GRID2: variants seen among roughly 807,000 people sequenced by gnomAD.
The protein encoded by GRID2 is glutamate ionotropic receptor delta type subunit 2.
A neutral mutation model predicts 114.8 loss-of-function variants in GRID2; 33 were observed. The ratio of observed to expected loss-of-function variants is 0.29; its 90% CI spans 0.22 to 0.38. GRID2 has a LOEUF of 0.38. Among genes scored for constraint, GRID2 ranks in the 10% least tolerant of loss-of-function variants. The pLI is 1.00. For missense variants in GRID2, 1,184 were observed against 1,257.7 expected (o/e 0.94, Z 0.89); for synonymous variants, 505 against 449.9 (o/e 1.12, Z -1.55).
chr4:92,783,488 A>G (rs1029891589), intron 2 of GRID2, among the ~76,000 whole-genome samples: 1 of 152,112 alleles, frequency 6.6e-6, no homozygotes, highest in African/African-American at 2.4e-5. Flanking sequence ...TTTTATGTGA[A>G]TTAATTCAAA....
chr4:92,578,843 A>G (rs1406156910), intron 1 of GRID2, among the ~76,000 whole-genome samples: 1 of 152,152 alleles, frequency 6.6e-6, no homozygotes, highest in Non-Finnish European at 1.5e-5. Context: ...ATGTAGTACC[A>G]GATTACTTCA....
At chr4:93,537,071 T>A (rs1177645975) in intron 13 of GRID2, among the ~76,000 whole-genome samples, 1 of 151,704 alleles carries the variant, frequency 6.6e-6, no homozygotes, top group African/African-American at 2.4e-5. Context: ...AAGCTTCTAC[T>A]TTTTTGGTTG....
At chr4:93,555,454 T>A (rs985062758) in intron 13 of GRID2, among the ~76,000 whole-genome samples, 1 of 152,090 alleles carries the variant, frequency 6.6e-6, no homozygotes, top group Non-Finnish European at 1.5e-5. Flanking sequence ...GAGGCTTGAG[T>A]AGGGGGTTTT....
chr4:93,048,926 T>C (rs1009858681), intron 2 of GRID2, among the ~76,000 whole-genome samples: 1 of 152,086 alleles, frequency 6.6e-6, no homozygotes, highest in Non-Finnish European at 1.5e-5. Flanking sequence ...CACAGAGTTA[T>C]TGAGACAAAT....
At chr4:92,357,520 T>C (rs1389332593) in intron 1 of GRID2, among the ~76,000 whole-genome samples, 1 of 151,852 alleles carries the variant, frequency 6.6e-6, no homozygotes, top group East Asian at 1.9e-4. Context: ...GCTTTTGTAA[T>C]AGCCATTCAT....
In GRID2 at chr4:92,353,182, T is replaced by C. The variant is rs564071854; in HGVS notation, c.88+48438T>C. 2.0e-5 allele frequency among the ~76,000 whole-genome samples: 3 copies of C among 151,994 alleles called. No individual in the cohort carries two copies. The East Asian group carries it at 5.8e-4, about 29-fold the overall frequency. The stretch of plus-strand genomic sequence containing the variant: ...ATTTCTTTTTGGTTATTTTTTATAA[T>C]TTTTATCTCTTTACTTTTAGTTTTG... On this transcript the variant is annotated intron_variant, in intron 1 of 15. Coordinates refer to ENST00000282020, the MANE Select transcript of GRID2 (RefSeq NM_001510.4).
intron 2 of GRID2, among the ~76,000 whole-genome samples, chr4:92,880,633 A>G (rs753665523): frequency 7.2e-5 from 11 of 152,338 alleles, no homozygotes; most frequent in Non-Finnish European, 1.2e-4. Flanking sequence ...ATTAGTATCT[A>G]TATATTCTAG....
intron 1 of GRID2, among the ~76,000 whole-genome samples, chr4:92,449,967 A>G (rs1560638816): frequency 6.6e-6 from 1 of 151,808 alleles, no homozygotes; most frequent in East Asian, 1.9e-4. Context: ...GGCTCACAGT[A>G]AGAGCATGTA....
intron 13 of GRID2, among the ~76,000 whole-genome samples, chr4:93,594,030 C>T (rs1367086043): frequency 6.6e-6 from 1 of 152,010 alleles, no homozygotes; most frequent in Non-Finnish European, 1.5e-5. Flanking sequence ...GTAATTTGAT[C>T]GTCTGAAGCC....
At chr4:92,965,695 T>C (rs1753113465) in intron 2 of GRID2, among the ~76,000 whole-genome samples, 1 of 151,748 alleles carries the variant, frequency 6.6e-6, no homozygotes, top group Non-Finnish European at 1.5e-5. Context: ...GTTCTTACAT[T>C]TGGGGCAGGA....
At chr4:92,427,092 T>A (rs1039185571) in intron 1 of GRID2, among the ~76,000 whole-genome samples, 5 of 152,174 alleles carry the variant, frequency 3.3e-5, no homozygotes, top group Non-Finnish European at 5.9e-5. Context: ...TTTATGTGTT[T>A]GTTCTATTTT....
At chr4:92,630,811 T>C (rs1041212935) in intron 2 of GRID2, among the ~76,000 whole-genome samples, 3 of 152,096 alleles carry the variant, frequency 2.0e-5, no homozygotes. Flanking sequence ...TAGTAAGTTA[T>C]ACTATAAATG....
intron 2 of GRID2, among the ~76,000 whole-genome samples, chr4:92,863,863 A>T (rs975899062): frequency 6.6e-6 from 1 of 152,108 alleles, no homozygotes; most frequent in African/African-American, 2.4e-5. Flanking sequence ...ACTAAGATCT[A>T]TGACCTCAAT....
chr4:93,072,815 C>A (rs926830402), intron 2 of GRID2, among the ~76,000 whole-genome samples: 4 of 151,936 alleles, frequency 2.6e-5, no homozygotes, highest in African/African-American at 9.7e-5. Flanking sequence ...TTACACAAAT[C>A]TATTATGGGA....
At chr4:93,238,846 G>A (rs1036372639) in intron 8 of GRID2, among the ~76,000 whole-genome samples, 1 of 151,434 alleles carries the variant, frequency 6.6e-6, no homozygotes, top group Non-Finnish European at 1.5e-5. Flanking sequence ...TACAAAATCA[G>A]AATAAGAGCT....
At chr4:93,373,612 G>A (rs1763122641) in intron 8 of GRID2, among the ~76,000 whole-genome samples, 1 of 152,146 alleles carries the variant, frequency 6.6e-6, no homozygotes, top group African/African-American at 2.4e-5. Context: ...CTGAAATAGA[G>A]AGTATGAATT....
At chr4:93,765,119 T>G (rs1436427062) in intron 14 of GRID2, among the ~76,000 whole-genome samples, 4 of 152,212 alleles carry the variant, frequency 2.6e-5, no homozygotes, top group Admixed American at 1.3e-4. Context: ...GCATTATATT[T>G]TACCACACTT....
At chr4:92,463,765 T>C (rs1433979265) in intron 1 of GRID2, among the ~76,000 whole-genome samples, 1 of 152,002 alleles carries the variant, frequency 6.6e-6, no homozygotes, top group Non-Finnish European at 1.5e-5. Context: ...AGCCTACTGC[T>C]GCTACTATTT....
chr4:93,533,231 G>T (rs1731630689), intron 13 of GRID2, among the ~76,000 whole-genome samples: 1 of 148,676 alleles, frequency 6.7e-6, no homozygotes, highest in African/African-American at 2.5e-5. Context: ...ATCTTGTAGG[G>T]CCCTTTCTTT....
Sources: gnomAD v4.1 joint callset for allele counts (sites outside exome capture counted in the v4.1 genomes callset) on GRCh38, gnomAD v4.1.1 for gene constraint, MANE v1.5 for transcripts, NCBI Gene and HGNC (gene_info 2026-07-23, HGNC 2026-07-21) for gene names.